Variants in CACNG2 observed in about 807,000 individuals in gnomAD.
The protein encoded by CACNG2 is voltage-dependent calcium channel gamma-2 subunit.
CACNG2 carries 3 observed loss-of-function variants against 25.9 expected under a neutral mutation model. That is an observed-to-expected ratio of 0.12 (90% CI 0.05 to 0.30). The LOEUF (loss-of-function observed/expected upper bound fraction) is 0.30, where lower values mean the gene tolerates loss of function less well. Among genes scored for constraint, CACNG2 ranks in the 10% least tolerant of loss-of-function variants. The pLI is 1.00. For missense variants in CACNG2, 341 were observed against 432.5 expected (o/e 0.79, Z 1.88); for synonymous variants, 167 against 173.3 (o/e 0.96, Z 0.29).
chr22:36,623,423 G>A (rs1002055594), intron 1 of CACNG2, among the ~76,000 whole-genome samples: 3 of 152,274 alleles, frequency 2.0e-5, no homozygotes, highest in Admixed American at 1.3e-4. Flanking sequence ...AGAGAGCCTC[G>A]ACTAAAACCA....
chr22:36,614,595 C>T (rs1231610086), intron 1 of CACNG2, among the ~76,000 whole-genome samples: 1 of 152,134 alleles, frequency 6.6e-6, no homozygotes, highest in Non-Finnish European at 1.5e-5. Flanking sequence ...GCCTGTCCAC[C>T]CTCTCATGTT....
At chr22:36,595,184 G>A (rs1935660671) in intron 1 of CACNG2, among the ~76,000 whole-genome samples, 1 of 152,076 alleles carries the variant, frequency 6.6e-6, no homozygotes, top group Non-Finnish European at 1.5e-5. Context: ...GTTGAGAAGG[G>A]CTTTCTAGCA....
intron 1 of CACNG2, among the ~76,000 whole-genome samples, chr22:36,666,991 AT>A (rs35100359): frequency 0.1 from 13,911 of 134,182 alleles, 1,045 homozygotes; most frequent in African/African-American, 0.22. Context: ...TGGGATCACC[AT>A]TTTTTTTTTT....
intron 1 of CACNG2, among the ~76,000 whole-genome samples, chr22:36,623,011 G>GA (rs1569032646): frequency 0.012 from 1,161 of 93,188 alleles, 135 homozygotes; most frequent in African/African-American, 0.036. Context: ...TCAAAACATG[G>GA]GTTTTTTTTT....
intron 1 of CACNG2, among the ~76,000 whole-genome samples, chr22:36,629,310 C>T (rs927498722): frequency 2.0e-5 from 3 of 152,154 alleles, no homozygotes; most frequent in African/African-American, 7.2e-5. Flanking sequence ...TAGGCAGTCA[C>T]CCAGTGCCTT....
intron 2 of CACNG2, among the ~76,000 whole-genome samples, chr22:36,571,912 G>T (rs1375359812): frequency 1.3e-5 from 2 of 151,800 alleles, no homozygotes; most frequent in Non-Finnish European, 2.9e-5. Flanking sequence ...ATTAAATTGG[G>T]TCCTACCTTT....
chr22:36,626,770 A>C (rs1397956979), intron 1 of CACNG2, among the ~76,000 whole-genome samples: 1 of 152,214 alleles, frequency 6.6e-6, no homozygotes, highest in Non-Finnish European at 1.5e-5. Context: ...GTTGATTAAG[A>C]GTCTGTAGCT....
chr22:36,577,134 C>G (rs1935331888), intron 2 of CACNG2, among the ~76,000 whole-genome samples: 1 of 152,144 alleles, frequency 6.6e-6, no homozygotes, highest in Admixed American at 6.6e-5. Context: ...ACACTTAGCT[C>G]ACAGGGTGCT....
At chr22:36,650,550 T>A (rs535062021) in intron 1 of CACNG2, among the ~76,000 whole-genome samples, 117 of 152,150 alleles carry the variant, frequency 7.7e-4, no homozygotes, top group South Asian at 2.3e-3. Flanking sequence ...ATATTTTTTT[T>A]AAAAAAATAG....
intron 1 of CACNG2, among the ~76,000 whole-genome samples, chr22:36,617,250 T>C (rs1400004321): frequency 1.3e-5 from 2 of 152,234 alleles, no homozygotes; most frequent in African/African-American, 4.8e-5. Flanking sequence ...TCTGGATAGA[T>C]GTTCCTTGGG....
chr22:36,604,050 C>T (rs899731807), intron 1 of CACNG2, among the ~76,000 whole-genome samples: 1 of 152,104 alleles, frequency 6.6e-6, no homozygotes, highest in African/African-American at 2.4e-5. Context: ...ATTCTAGATG[C>T]CAATAAGAAC....
chr22:36,599,380 G>A (rs1448630116), intron 1 of CACNG2, among the ~76,000 whole-genome samples: 8 of 152,148 alleles, frequency 5.3e-5, no homozygotes, highest in Admixed American at 5.2e-4. Context: ...GTAAAGTCAA[G>A]CAAGGGAATG....
At chr22:36,570,241 G>A (rs911590965) in intron 2 of CACNG2, among the ~76,000 whole-genome samples, 1 of 152,250 alleles carries the variant, frequency 6.6e-6, no homozygotes, top group South Asian at 2.1e-4. Flanking sequence ...GGCCAGGCAT[G>A]TGTGGACAAG....
intron 2 of CACNG2, among the ~76,000 whole-genome samples, chr22:36,582,501 G>A (rs1359740571): frequency 2.6e-5 from 4 of 151,720 alleles, no homozygotes; most frequent in African/African-American, 9.7e-5. Flanking sequence ...CACCTCCTGG[G>A]TTCAAATGAT....
rs1022171974 is a variant in CACNG2, at chr22:36,565,013, A to G, written c.437-127T>C. ...GGGCCTTCCCCGGTCCCGCGCCTTC[A>G]TGAACAGGTGGGGCGGTGTAGATGG... is the stretch of plus-strand genomic sequence containing the variant. On this transcript the variant is annotated intron_variant, in intron 3 of 3. Transcript: ENST00000300105. 6 of 803,712 alleles carry G rather than the reference A, an allele frequency of 7.5e-6. No individual in the cohort carries two copies. In the East Asian group the frequency reaches 1.5e-4, roughly 20 times the overall value. The allele number at this position is 803,712 out of a possible 1,614,324, so 49.8% of individuals were successfully genotyped here.
In CACNG2 at chr22:36,606,530, G is replaced by T. The variant is rs1319584594; in HGVS notation, c.212-18982C>A. Among the ~76,000 whole-genome samples the T allele has an allele frequency of 6.6e-6, 1 of 152,142 alleles. No individual in the cohort carries two copies. The highest frequency in any genetic ancestry group is 1.5e-5 in the Non-Finnish European group (1 of 68,034). On this transcript the variant is annotated intron_variant, in intron 1 of 3. Transcript: ENST00000300105. The surrounding 1 kb of genome is among the most constrained non-coding windows in gnomAD (Gnocchi z 5.7). ...ACAGCACAGTACAGGATGCTGGGTA[G>T]TAGGGACAGTGCATGGCATAATCTG... is the stretch of plus-strand genomic sequence containing the variant.
chr22:36,694,959 T>A (rs1485450645), intron 1 of CACNG2, among the ~76,000 whole-genome samples: 2 of 152,160 alleles, frequency 1.3e-5, no homozygotes, highest in Non-Finnish European at 2.9e-5. Flanking sequence ...CTCACTCCTG[T>A]ACTCCCAGCA....
intron 1 of CACNG2, among the ~76,000 whole-genome samples, chr22:36,615,610 A>T (rs915985331): frequency 2.6e-5 from 4 of 152,246 alleles, no homozygotes; most frequent in African/African-American, 9.6e-5. Context: ...CGTACCCTGC[A>T]TTCATCTTAC....
chr22:36,620,930 G>A (rs1440177452), intron 1 of CACNG2, among the ~76,000 whole-genome samples: 1 of 152,226 alleles, frequency 6.6e-6, no homozygotes, highest in Non-Finnish European at 1.5e-5. Context: ...TGGAAATCTA[G>A]TGTCAGAGCT....
Sources: gnomAD v4.1 joint callset for allele counts (sites outside exome capture counted in the v4.1 genomes callset) on GRCh38, gnomAD v4.1.1 for gene constraint, Gnocchi (gnomAD v3.1) non-coding constraint, MANE v1.5 for transcripts, NCBI Gene and HGNC (gene_info 2026-07-23, HGNC 2026-07-21) for gene names.